PPIL1: variants seen among roughly 807,000 people sequenced by gnomAD.
PPIL1 encodes peptidylprolyl isomerase like 1.
PPIL1 carries 14 observed loss-of-function variants against 19.4 expected under a neutral mutation model. The ratio of observed to expected loss-of-function variants is 0.72; its 90% confidence interval spans 0.48 to 1.13. The LOEUF is 1.13. Ranked by LOEUF, PPIL1 falls within the 50% of genes most tolerant of loss-of-function variation. The pLI, the probability that PPIL1 is intolerant of heterozygous loss-of-function variation, is 0.00. For missense variants in PPIL1, 192 were observed against 218.0 expected (o/e 0.88, Z 0.75); for synonymous variants, 72 against 73.6 (o/e 0.98, Z 0.11).
At chr6:36,860,616 A>G (rs144635344) in intron 2 of PPIL1, among the ~76,000 whole-genome samples, 1 of 151,912 alleles carries the variant, frequency 6.6e-6, no homozygotes, top group Non-Finnish European at 1.5e-5. Context: ...CCATGCATAC[A>G]CCCCACTGCA....
chr6:36,870,849 C>T (rs1427355910), intron 2 of PPIL1, among the ~76,000 whole-genome samples: 1 of 152,168 alleles, frequency 6.6e-6, no homozygotes, highest in Non-Finnish European at 1.5e-5. Flanking sequence ...GTCTTGAACT[C>T]CTGACCTCAA....
intron 2 of PPIL1, among the ~76,000 whole-genome samples, chr6:36,868,382 G>C (rs554483075): frequency 9.2e-5 from 14 of 152,282 alleles, no homozygotes; most frequent in Non-Finnish European, 1.5e-4. Context: ...AAATATGATA[G>C]ATATGGAAGG....
intron 2 of PPIL1, among the ~76,000 whole-genome samples, chr6:36,869,669 T>C (rs915395480): frequency 6.6e-6 from 1 of 152,086 alleles, no homozygotes; most frequent in African/African-American, 2.4e-5. Context: ...CTAAATACAC[T>C]GAAACGTAGG....
At chr6:36,863,457 C>T (rs1774330892) in intron 2 of PPIL1, among the ~76,000 whole-genome samples, 1 of 152,156 alleles carries the variant, frequency 6.6e-6, no homozygotes, top group Non-Finnish European at 1.5e-5. Context: ...TACCCAATCC[C>T]GCTCACCTTT....
intron 2 of PPIL1, among the ~76,000 whole-genome samples, chr6:36,866,156 T>C (rs527781534): frequency 6.6e-6 from 1 of 152,238 alleles, no homozygotes; most frequent in Non-Finnish European, 1.5e-5. Context: ...CTCAGAGGGC[T>C]AAGGAAAGAG....
intron 2 of PPIL1, among the ~76,000 whole-genome samples, chr6:36,869,557 G>A (rs550707015): frequency 2.0e-5 from 3 of 152,056 alleles, no homozygotes; most frequent in Non-Finnish European, 4.4e-5. Context: ...CTGGACAATT[G>A]TGATTCTTGA....
At chr6:36,861,391 A>T (rs1188437204) in intron 2 of PPIL1, among the ~76,000 whole-genome samples, 2 of 152,152 alleles carry the variant, frequency 1.3e-5, no homozygotes, top group Non-Finnish European at 2.9e-5. Context: ...GAATTGATAC[A>T]TACAGTCATC....
At position 36,855,496 on chromosome 6, in the gene PPIL1, T is replaced by C. The variant is rs991161921; in HGVS notation, c.*317A>G. 4 of 316,152 alleles carry C rather than the reference T, an allele frequency of 1.3e-5. No homozygotes were observed. The highest frequency in any genetic ancestry group is 4.2e-5 in the African/African-American group (2 of 47,104). The allele number at this position is 316,152 out of a possible 1,614,324, so 19.6% of individuals were successfully genotyped here. A position where few individuals can be genotyped will look rare whatever the true frequency, so the allele number is the denominator to read the frequency against. On this transcript the variant is annotated 3_prime_UTR_variant, in exon 4 of 4. Coordinates refer to ENST00000373699, the MANE Select transcript of PPIL1 (RefSeq NM_016059.5). ...AGGCAAAACCACTGAGAAATGACAG[T>C]GGCTGCTACATTGTTCGACGTATAT...
chr6:36,855,825 G>T lies in PPIL1; in HGVS notation c.489C>A (p.Tyr163Ter), dbSNP rs774621142. The T allele has an allele frequency of 2.5e-6, 4 of 1,614,150 alleles. No individual in the cohort carries two copies. Among genetic ancestry groups the T allele is most frequent in the Non-Finnish European group, 3.4e-6 (4 of 1,180,004 alleles). ...PVDDVKIIKA[Y>*]PSG is the part of the protein sequence containing the mutation. ...GAGGGTAGCAAGTCTACCCAGAAGG[G>T]TATGCCTTAATGATCTTCACGTCGT... The change falls in exon 4 of 4, where the codon TAC (tyrosine) becomes TAA (stop). Residue 163 changes from tyrosine to a stop codon, truncating the protein, a stop_gained. Transcript: ENST00000373699. LOFTEE classifies it high-confidence loss of function.
At chr6:36,861,772 C>A (rs1433450902) in intron 2 of PPIL1, among the ~76,000 whole-genome samples, 4 of 151,564 alleles carry the variant, frequency 2.6e-5, no homozygotes, top group Non-Finnish European at 4.4e-5. Context: ...TCTTGGCTCA[C>A]CGCAACCTCC....
At chr6:36,873,242 T>C (rs1298641407) in intron 1 of PPIL1, among the ~76,000 whole-genome samples, 5 of 152,170 alleles carry the variant, frequency 3.3e-5, no homozygotes, top group Non-Finnish European at 7.4e-5. Flanking sequence ...TAGGAAAATA[T>C]ACAAAAGTGC....
chr6:36,856,716 T>G, intron 2 of PPIL1, 62 bp from the exon 3 acceptor site: 2 of 1,479,036 alleles, frequency 1.4e-6, no homozygotes, highest in African/African-American at 1.4e-5. Flanking sequence ...ACAGCAAGAA[T>G]GATGGCCCAG....
Position 36,874,789 on chromosome 6 carries a change from G to GA in PPIL1, c.-18dup, listed in dbSNP as rs1369747960. ...TGCCGCCATAGCGAAGCCGGCGGCG[G>GA]AATGCTTGTCTAGTAATTGCTACTT... On this transcript the variant is annotated 5_prime_UTR_variant, in exon 1 of 4. Coordinates refer to ENST00000373699, the MANE Select transcript of PPIL1 (RefSeq NM_016059.5). The GA allele has an allele frequency of 6.2e-6, 10 of 1,613,684 alleles. No homozygotes were observed. Among genetic ancestry groups the GA allele is most frequent in the Non-Finnish European group, 8.5e-6 (10 of 1,179,846 alleles).
chr6:36,860,141 C>T (rs982538548), intron 2 of PPIL1, among the ~76,000 whole-genome samples: 1 of 151,262 alleles, frequency 6.6e-6, no homozygotes, highest in African/African-American at 2.4e-5. Flanking sequence ...TGTTTTCTAA[C>T]CTTTGATTAC....
Position 36,855,600 on chromosome 6 carries a change from T to C in PPIL1, c.*213A>G. 1 of 580,256 alleles carries C rather than the reference T, an allele frequency of 1.7e-6. No homozygotes were observed. The highest frequency in any genetic ancestry group is 2.9e-5 in the East Asian group (1 of 33,964). The allele number at this position is 580,256 out of a possible 1,614,324, so 35.9% of individuals were successfully genotyped here. On this transcript the variant is annotated 3_prime_UTR_variant, in exon 4 of 4. Transcript: ENST00000373699. ...ACCTATTGATAAACAGGGGCATTTG[T>C]GCAAATGCTCTGGCAACCTAGGCAC...
intron 2 of PPIL1, among the ~76,000 whole-genome samples, chr6:36,870,623 A>C (rs1043704250): frequency 6.6e-6 from 1 of 151,812 alleles, no homozygotes; most frequent in Non-Finnish European, 1.5e-5. Flanking sequence ...TGATCCTTTT[A>C]TTTATTTATT....
chr6:36,874,783 G>C lies in PPIL1; in HGVS notation c.-11C>G. On this transcript the variant is annotated 5_prime_UTR_variant, in exon 1 of 4. Coordinates refer to ENST00000373699, the MANE Select transcript of PPIL1 (RefSeq NM_016059.5). ...GGGAATTGCCGCCATAGCGAAGCCG[G>C]CGGCGGAATGCTTGTCTAGTAATTG... 1 of 1,613,934 alleles carries C rather than the reference G, an allele frequency of 6.2e-7. No individual in the cohort carries two copies. The highest frequency in any genetic ancestry group is 8.5e-7 in the Non-Finnish European group (1 of 1,179,888).
chr6:36,857,023 G>C (rs1583104489), intron 2 of PPIL1, among the ~76,000 whole-genome samples: 2 of 152,152 alleles, frequency 1.3e-5, no homozygotes, highest in East Asian at 1.9e-4. Flanking sequence ...GAGGTTTCTT[G>C]ATTTTTAACC....
At chr6:36,872,733 G>A (rs1774541133) in intron 1 of PPIL1, among the ~76,000 whole-genome samples, 1 of 152,132 alleles carries the variant, frequency 6.6e-6, no homozygotes, top group Non-Finnish European at 1.5e-5. Flanking sequence ...TCAGCCTCCT[G>A]AGTAGCTGGG....
Sources: gnomAD v4.1 joint callset for allele counts (sites outside exome capture counted in the v4.1 genomes callset) on GRCh38, gnomAD v4.1.1 for gene constraint, MANE v1.5 for transcripts, NCBI Gene and HGNC (gene_info 2026-07-23, HGNC 2026-07-21) for gene names.